IRAK2: variants seen among roughly 807,000 people sequenced by gnomAD.
The protein encoded by IRAK2 is interleukin 1 receptor associated kinase 2.
IRAK2 carries 57 observed loss-of-function variants against 72.0 expected under a neutral mutation model. The observed-to-expected ratio is 0.79, with a 90% CI of 0.64 to 0.99. The LOEUF is 0.99. Among genes scored for constraint, IRAK2 ranks in the 50% least tolerant of loss-of-function variants. The pLI is 0.00. For missense variants in IRAK2, 790 were observed against 794.4 expected, an observed-to-expected ratio of 0.99 and a Z score of 0.07; for synonymous variants, 293 against 312.7, an observed-to-expected ratio of 0.94 and a Z score of 0.67.
At chr3:10,215,066 G>A (rs1697581384) in intron 6 of IRAK2, among the ~76,000 whole-genome samples, 1 of 149,646 alleles carries the variant, frequency 6.7e-6, no homozygotes, top group South Asian at 2.1e-4. Context: ...CACTCCAGCC[G>A]GGGCAACAAA....
intron 2 of IRAK2, among the ~76,000 whole-genome samples, chr3:10,196,218 G>T (rs1697262511): frequency 6.6e-6 from 1 of 152,230 alleles, no homozygotes; most frequent in Non-Finnish European, 1.5e-5. Context: ...AGGTTCAAGC[G>T]ATTCTCCTGC....
At chr3:10,170,255 G>A (rs1696774196) in intron 1 of IRAK2, among the ~76,000 whole-genome samples, 1 of 152,160 alleles carries the variant, frequency 6.6e-6, no homozygotes, top group African/African-American at 2.4e-5. Context: ...CTCTGAATCT[G>A]ATGTTCTGGC....
intron 9 of IRAK2, among the ~76,000 whole-genome samples, chr3:10,223,559 G>C (rs1226520027): frequency 6.6e-6 from 1 of 152,266 alleles, no homozygotes; most frequent in Admixed American, 6.5e-5. Flanking sequence ...ATTAGGCAAA[G>C]TCAAGCAGGT....
chr3:10,183,483 C>T (rs952802866), intron 2 of IRAK2, among the ~76,000 whole-genome samples: 6 of 152,130 alleles, frequency 3.9e-5, no homozygotes, highest in Non-Finnish European at 8.8e-5. Flanking sequence ...TTTGGGAGGC[C>T]GAGGCGGGCA....
intron 11 of IRAK2, 110 bp downstream of exon 11, chr3:10,234,769 G>A (rs1697925975): frequency 2.1e-6 from 2 of 957,126 alleles, no homozygotes; most frequent in Non-Finnish European, 1.6e-6. Context: ...GTGCTTGCTT[G>A]CAAGCCGCAG....
rs1402519829 is a variant in IRAK2 at position 10,243,417 on chromosome 3, A to G, written c.*1189A>G. On this transcript the variant is annotated 3_prime_UTR_variant, in exon 13 of 13. Coordinates refer to ENST00000256458, the MANE Select transcript of IRAK2 (RefSeq NM_001570.4). ...TCTGATTCTGCTGCTAATTAAGTCA[A>G]TCATTTAATTTTTGGGACCTCAGTT... is the stretch of plus-strand genomic sequence containing the variant. 6.5e-6 allele frequency: 1 copy of G among 152,682 alleles called. No individual in the cohort carries two copies. The highest frequency in any genetic ancestry group is 2.4e-5 in the African/African-American group (1 of 41,470). 9.5% of individuals were successfully genotyped at this position (152,682 alleles called of 1,614,324 possible). A position where few individuals can be genotyped will look rare whatever the true frequency, so the allele number is the denominator to read the frequency against.
In IRAK2 at chr3:10,177,923, G is replaced by A; in HGVS notation, c.180G>A (p.Leu60=). The A allele has an allele frequency of 6.2e-7, 1 of 1,613,908 alleles. No individual in the cohort carries two copies. The highest frequency in any genetic ancestry group is 8.5e-7 in the Non-Finnish European group (1 of 1,180,034). Residue 60 remains leucine, a synonymous_variant, in exon 2 of 13, where the codon CTG becomes CTA. Coordinates refer to ENST00000256458, the MANE Select transcript of IRAK2 (RefSeq NM_001570.4). ...AGGGTGTGAGCATCACGCGGGAGCT[G>A]CTGTGGTGGTGGGGCATGCGGCAGG... The part of the protein sequence containing the change: ...RVQGVSITRE[L]LWWWGMRQAT...
chr3:10,217,069 C>T (rs375356780), intron 7 of IRAK2, 21 bp downstream of exon 7: 17 of 1,560,178 alleles, frequency 1.1e-5, no homozygotes, highest in Non-Finnish European at 1.4e-5. Context: ...GGGTCATGGT[C>T]AGAGAATGGG....
In IRAK2 at chr3:10,176,281, G is replaced by C. The variant is rs1619378; in HGVS notation, c.95-1557G>C. Among the ~76,000 whole-genome samples the C allele has an allele frequency of 1.6e-4, 24 of 151,872 alleles. No individual in the cohort carries two copies. In the South Asian group the frequency reaches 5.0e-3, roughly 31 times the overall value. On this transcript the variant is annotated intron_variant, in intron 1 of 12. Coordinates refer to ENST00000256458, the MANE Select transcript of IRAK2 (RefSeq NM_001570.4). ...TGGTATGTGTGTGTGTTTTCATTCA[G>C]TCATTCACTTAGCATATCTTTTTTG...
intron 3 of IRAK2, among the ~76,000 whole-genome samples, chr3:10,206,542 C>T (rs551701811): frequency 3.9e-5 from 6 of 152,260 alleles, no homozygotes; most frequent in East Asian, 1.9e-4. Context: ...CTTTCAGTCT[C>T]GTGAAATAAA....
At chr3:10,216,806 G>A in intron 6 of IRAK2, 128 bp from the exon 7 acceptor site, 2 of 697,444 alleles carry the variant, frequency 2.9e-6, no homozygotes. Flanking sequence ...TTAGGGGTCA[G>A]AGTATGTGGT....
chr3:10,178,480 A>G (rs1206724052), intron 2 of IRAK2, among the ~76,000 whole-genome samples: 1 of 152,022 alleles, frequency 6.6e-6, no homozygotes, highest in East Asian at 1.9e-4. Flanking sequence ...AAAGAAACAA[A>G]AAAAAGAAAC....
chr3:10,226,530 C>A, intron 10 of IRAK2, 97 bp downstream of exon 10: 1 of 927,498 alleles, frequency 1.1e-6, no homozygotes, highest in Non-Finnish European at 1.7e-6. Flanking sequence ...TTTACACATG[C>A]AAATGAGGCC....
chr3:10,197,995 C>T (rs1346045851), intron 2 of IRAK2, among the ~76,000 whole-genome samples: 3 of 151,430 alleles, frequency 2.0e-5, no homozygotes, highest in Admixed American at 6.6e-5. Flanking sequence ...GTCAGGAGAT[C>T]GAGACCATCC....
Position 10,242,204 on chromosome 3 carries a change from C to G in IRAK2, c.1854C>G (p.Asp618Glu). Residue 618 changes from aspartate (D) to glutamate (E), a missense_variant, in exon 13 of 13, where the codon GAC becomes GAG. Asp to Glu is a conservative substitution (Grantham distance 45, BLOSUM62 2). Transcript: ENST00000256458. ...TGCTCTACAAAGAGGAAAAAGTGGA[C>G]AGCATTGAGCTCTTTGGCCCCTGAT... ...NILLYKEEKV[D>E]SIELFGP 1.2e-6 allele frequency: 2 copies of G among 1,611,712 alleles called. No homozygotes were observed. Among genetic ancestry groups the G allele is most frequent in the African/African-American group, 2.7e-5 (2 of 74,944 alleles).
intron 8 of IRAK2, among the ~76,000 whole-genome samples, chr3:10,222,099 G>A (rs1175103559): frequency 6.6e-6 from 1 of 152,114 alleles, no homozygotes; most frequent in Non-Finnish European, 1.5e-5. Context: ...TGCTGGCCAG[G>A]CTGGTCTTGA....
intron 11 of IRAK2, among the ~76,000 whole-genome samples, chr3:10,236,010 AC>A: frequency 6.6e-6 from 1 of 152,234 alleles, no homozygotes; most frequent in East Asian, 1.9e-4. Flanking sequence ...AACAAGGCAG[AC>A]CCAGGTCCAC....
chr3:10,200,023 G>A (rs140868198), intron 2 of IRAK2, among the ~76,000 whole-genome samples: 1 of 151,802 alleles, frequency 6.6e-6, no homozygotes, highest in Non-Finnish European at 1.5e-5. Context: ...AAGTAGCTGA[G>A]ACTACAGCCG....
chr3:10,191,122 GT>G (rs1397264041), intron 2 of IRAK2, among the ~76,000 whole-genome samples: 2 of 151,942 alleles, frequency 1.3e-5, no homozygotes, highest in Non-Finnish European at 2.9e-5. Flanking sequence ...GTGATACCCC[GT>G]CTCTACTAAA....
Sources: gnomAD v4.1 joint callset for allele counts (sites outside exome capture counted in the v4.1 genomes callset) on GRCh38, gnomAD v4.1.1 for gene constraint, MANE v1.5 for transcripts, NCBI Gene and HGNC (gene_info 2026-07-23, HGNC 2026-07-21) for gene names.